Variants in BANK1 observed in about 807,000 individuals in gnomAD.
BANK1 encodes B cell scaffold protein with ankyrin repeats 1.
In BANK1, 95 loss-of-function variants were observed where a neutral mutation model predicts 94.5. The observed-to-expected ratio is 1.00, with a 90% CI of 0.85 to 1.19. The LOEUF is 1.19. BANK1 is among the 50% of genes most tolerant of loss of function. The pLI is 0.00. For missense variants in BANK1, 987 were observed against 932.2 expected (o/e 1.06, Z -0.77); for synonymous variants, 334 against 308.4 (o/e 1.08, Z -0.87).
In BANK1 at chr4:101,895,336, C is replaced by T. The variant is rs778866297; in HGVS notation, c.935C>T (p.Thr312Ile). The T allele has an allele frequency of 4.4e-6, 7 of 1,593,028 alleles. No individual in the cohort carries two copies. Among genetic ancestry groups the T allele is most frequent in the Non-Finnish European group, 6.0e-6 (7 of 1,169,754 alleles). ...NSIEELDGVL[T>I]SIFKHEIPYY... ...ATTGAAGAACTTGATGGTGTCCTTA[C>T]ATCCATATTCAAACATGAGATACCA... is the stretch of plus-strand genomic sequence containing the variant. Residue 312 changes from threonine (T) to isoleucine (I), a missense_variant, in exon 6 of 17, where the codon ACA becomes ATA. By Grantham distance (89) the Thr-to-Ile change is moderately conservative. Coordinates refer to ENST00000322953, the MANE Select transcript of BANK1 (RefSeq NM_017935.5).
chr4:101,808,251 A>T (rs1259887042), intron 1 of BANK1, among the ~76,000 whole-genome samples: 1 of 152,176 alleles, frequency 6.6e-6, no homozygotes, highest in Non-Finnish European at 1.5e-5. Context: ...CCTCCCGTGT[A>T]GACATTTCTG....
At chr4:101,823,439 A>G (rs1377756577) in intron 1 of BANK1, among the ~76,000 whole-genome samples, 1 of 152,182 alleles carries the variant, frequency 6.6e-6, no homozygotes, top group African/African-American at 2.4e-5. Context: ...AGATGTAGAC[A>G]GTCTTACTGG....
chr4:101,942,118 G>A lies in BANK1; in HGVS notation c.1206+23929G>A, dbSNP rs538214552. ...CACTGATGTGCCAGTCAGCAGGACT[G>A]AAACATCTGGGTGACTACCAGCCTC... is the stretch of plus-strand genomic sequence containing the variant. On this transcript the variant is annotated intron_variant, in intron 7 of 16. Coordinates refer to ENST00000322953, the MANE Select transcript of BANK1 (RefSeq NM_017935.5). Among the ~76,000 whole-genome samples the A allele has an allele frequency of 1.4e-4, 22 of 152,000 alleles. No individual in the cohort carries two copies. The South Asian group carries it at 4.4e-3, about 30-fold the overall frequency.
chr4:101,952,279 G>A (rs773451058), intron 7 of BANK1, among the ~76,000 whole-genome samples: 1 of 151,784 alleles, frequency 6.6e-6, no homozygotes, highest in Non-Finnish European at 1.5e-5. Flanking sequence ...ATGTTTTTTC[G>A]CTTAAAGTAG....
intron 7 of BANK1, among the ~76,000 whole-genome samples, chr4:101,997,378 G>A (rs1202041856): frequency 1.3e-5 from 2 of 152,090 alleles, no homozygotes; most frequent in Non-Finnish European, 2.9e-5. Flanking sequence ...CAGTGATATT[G>A]GCCTGAAATT....
At chr4:101,811,090 C>G (rs72923421) in intron 1 of BANK1, among the ~76,000 whole-genome samples, 2,222 of 152,198 alleles carry the variant, frequency 0.015, 56 homozygotes, top group African/African-American at 0.051. Context: ...TTTTAAATGA[C>G]AGGGTCAGGA....
chr4:101,836,088 C>T (rs1726813557), intron 2 of BANK1, among the ~76,000 whole-genome samples: 1 of 152,066 alleles, frequency 6.6e-6, no homozygotes, highest in African/African-American at 2.4e-5. Flanking sequence ...TTGATTATTG[C>T]ATACTTATGA....
chr4:101,872,469 T>G (rs1365175872), intron 5 of BANK1, among the ~76,000 whole-genome samples: 3 of 152,126 alleles, frequency 2.0e-5, no homozygotes, highest in Non-Finnish European at 4.4e-5. Flanking sequence ...GGGGTTTGTC[T>G]AAATCTTCTG....
chr4:101,978,788 A>G (rs907280280), intron 7 of BANK1, among the ~76,000 whole-genome samples: 2 of 152,054 alleles, frequency 1.3e-5, no homozygotes, highest in African/African-American at 4.8e-5. Context: ...TCCCATTGAA[A>G]TACAGACTTA....
chr4:101,965,884 T>G (rs1724733280), intron 7 of BANK1, among the ~76,000 whole-genome samples: 2 of 152,118 alleles, frequency 1.3e-5, no homozygotes, highest in Admixed American at 1.3e-4. Flanking sequence ...CTAGGCACTT[T>G]GAACTAATTC....
chr4:101,943,870 T>C (rs886268071), intron 7 of BANK1, among the ~76,000 whole-genome samples: 53 of 152,054 alleles, frequency 3.5e-4, no homozygotes, highest in African/African-American at 1.3e-3. Flanking sequence ...TTGACGGTTT[T>C]TATTCTTGAG....
chr4:101,904,561 T>G (rs567785789), intron 6 of BANK1, among the ~76,000 whole-genome samples: 1 of 152,176 alleles, frequency 6.6e-6, no homozygotes, highest in African/African-American at 2.4e-5. Flanking sequence ...TTGTTTTTCC[T>G]CTTGAAGTGG....
intron 5 of BANK1, among the ~76,000 whole-genome samples, chr4:101,873,514 A>T (rs559327588): frequency 5.4e-4 from 82 of 152,270 alleles, no homozygotes; most frequent in African/African-American, 1.8e-3. Context: ...TTATCATTTT[A>T]AAAAAACTGC....
Position 101,980,322 on chromosome 4 carries a change from G to C in BANK1, c.1207-41192G>C, listed in dbSNP as rs948168408. ...ATCTTGGTTGAGTAAGTGAGGATTG[G>C]ATTTTATTTTTTTCCTGAGTATCAA... is the stretch of plus-strand genomic sequence containing the variant. On this transcript the variant is annotated intron_variant, in intron 7 of 16. Coordinates refer to ENST00000322953, the MANE Select transcript of BANK1 (RefSeq NM_017935.5). Among the ~76,000 whole-genome samples, 3 of 151,660 alleles carry C rather than the reference G, an allele frequency of 2.0e-5. No homozygotes were observed. The East Asian group carries it at 5.8e-4, about 29-fold the overall frequency.
intron 11 of BANK1, among the ~76,000 whole-genome samples, chr4:102,045,374 C>A (rs1199814931): frequency 2.0e-5 from 3 of 152,088 alleles, no homozygotes; most frequent in Non-Finnish European, 4.4e-5. Flanking sequence ...CCTTTGAAAA[C>A]TGGCACAAGA....
chr4:101,889,968 A>G (rs1560618547), intron 5 of BANK1, among the ~76,000 whole-genome samples: 1 of 152,202 alleles, frequency 6.6e-6, no homozygotes, highest in Non-Finnish European at 1.5e-5. Flanking sequence ...ATATTTGGAC[A>G]CTTTCCTATG....
At chr4:101,832,205 A>G (rs1420142148) in intron 2 of BANK1, among the ~76,000 whole-genome samples, 1 of 152,234 alleles carries the variant, frequency 6.6e-6, no homozygotes, top group East Asian at 1.9e-4. Flanking sequence ...TTATTTGCCT[A>G]GCTGACTAAA....
chr4:101,870,788 C>G (rs1258737524), intron 5 of BANK1, 144 bp downstream of exon 5: 16 of 949,678 alleles, frequency 1.7e-5, no homozygotes, highest in Non-Finnish European at 2.4e-5. Flanking sequence ...AAGAGGCAAC[C>G]TCTGTTGTGC....
chr4:101,813,881 T>A, intron 1 of BANK1: 1 of 985,488 alleles, frequency 1.0e-6, no homozygotes, highest in Non-Finnish European at 1.2e-6. Context: ...GGGGGACTAC[T>A]TGCTTGCTGG....
Sources: gnomAD v4.1 joint callset for allele counts (sites outside exome capture counted in the v4.1 genomes callset) on GRCh38, gnomAD v4.1.1 for gene constraint, MANE v1.5 for transcripts, NCBI Gene and HGNC (gene_info 2026-07-23, HGNC 2026-07-21) for gene names.